Variants in UQCRC2 observed in about 807,000 individuals in gnomAD.
UQCRC2 encodes cytochrome b-c1 complex subunit 2, mitochondrial.
Under a neutral mutation model 55.6 loss-of-function variants are expected in UQCRC2, and 49 were observed. The observed-to-expected ratio is 0.88, with a 90% confidence interval of 0.70 to 1.12. The LOEUF (loss-of-function observed/expected upper bound fraction) is 1.12. UQCRC2 is among the 50% of genes most tolerant of loss of function. The pLI, the probability that UQCRC2 is intolerant of heterozygous loss-of-function variation, is 0.00. For missense variants in UQCRC2, 506 were observed against 547.8 expected (o/e 0.92, Z 0.76); for synonymous variants, 193 against 192.0 (o/e 1.01, Z -0.04).
intron 5 of UQCRC2, 39 bp from the exon 6 acceptor site, chr16:21,962,722 A>G (rs767871946): frequency 3.1e-6 from 5 of 1,612,814 alleles, no homozygotes; most frequent in South Asian, 1.1e-5. Context: ...TTGGCTTTAC[A>G]TTTTTGACTC....
chr16:21,963,963 AATT>A (rs1898264689), intron 6 of UQCRC2, among the ~76,000 whole-genome samples: 1 of 152,110 alleles, frequency 6.6e-6, no homozygotes, highest in Non-Finnish European at 1.5e-5. Context: ...TATAATGTCT[AATT>A]ATATAATCTT....
At chr16:21,976,409 C>T (rs1342874300) in intron 12 of UQCRC2, 166 bp downstream of exon 12, 1 of 604,740 alleles carries the variant, frequency 1.7e-6, no homozygotes, top group Non-Finnish European at 2.7e-6. Context: ...TAATTGTTAA[C>T]ATTTTGGCCA....
chr16:21,971,053 A>T (rs1242412244), intron 8 of UQCRC2, among the ~76,000 whole-genome samples: 2 of 152,004 alleles, frequency 1.3e-5, no homozygotes, highest in African/African-American at 4.8e-5. Flanking sequence ...CTTTCTTGAT[A>T]CAGTGTTCTT....
At chr16:21,976,892 G>A (rs1385793906) in intron 12 of UQCRC2, 4 of 152,024 alleles carry the variant, frequency 2.6e-5, no homozygotes, top group Non-Finnish European at 5.9e-5. Context: ...AATATTCATT[G>A]GTGTGTCAAA....
intron 12 of UQCRC2, 126 bp downstream of exon 12, chr16:21,976,369 AAC>A: frequency 1.3e-6 from 1 of 795,394 alleles, no homozygotes; most frequent in Non-Finnish European, 2.0e-6. Context: ...TAAAAAGGGA[AAC>A]ATACCCATAT....
At chr16:21,979,292 C>T (rs1898658164) in intron 12 of UQCRC2, among the ~76,000 whole-genome samples, 1 of 152,110 alleles carries the variant, frequency 6.6e-6, no homozygotes, top group African/African-American at 2.4e-5. Flanking sequence ...TGCCATGGAT[C>T]AATTATAATT....
At chr16:21,966,413 A>C (rs1366349643) in intron 7 of UQCRC2, among the ~76,000 whole-genome samples, 2 of 152,148 alleles carry the variant, frequency 1.3e-5, no homozygotes, top group African/African-American at 4.8e-5. Flanking sequence ...TAAATCTACA[A>C]GTGTAGATAT....
rs1476287866 is a variant in UQCRC2, at chr16:21,972,004, C to CAAAT, written c.849_852dup (p.Ala285LysfsTer4). On this transcript the variant is annotated frameshift_variant, in exon 10 of 14. Transcript: ENST00000268379. LOFTEE classifies it high-confidence loss of function. ...AGTGCTGTCGCGGGAAGTGCAGAGG[C>CAAAT]AAATGCATTTAGTGTTCTTCAGCAT... 6.2e-7 allele frequency: 1 copy of CAAAT among 1,614,184 alleles called. No individual in the cohort carries two copies. Among genetic ancestry groups the CAAAT allele is most frequent in the Admixed American group, 1.7e-5 (1 of 60,016 alleles).
intron 7 of UQCRC2, chr16:21,968,412 G>C (rs895668107): frequency 1.8e-5 from 7 of 397,454 alleles, no homozygotes; most frequent in Non-Finnish European, 2.7e-5. Flanking sequence ...TCACAGAGTT[G>C]TGCAACCATG....
intron 8 of UQCRC2, among the ~76,000 whole-genome samples, chr16:21,969,749 A>T (rs1023890935): frequency 1.3e-5 from 2 of 152,158 alleles, no homozygotes; most frequent in African/African-American, 2.4e-5. Context: ...AACAGATTCA[A>T]CTATTACCAC....
rs111739516 is a variant in UQCRC2 at position 21,983,103 on chromosome 16, G to C, written c.1294G>C (p.Val432Leu). ...ADIINAAKKF[V>L]SGQKSMAASG... ...TTCTTTAAAGGCGGCAAAGAAGTTT[G>C]TTTCTGGCCAGAAGTCAATGGCAGC... Residue 432 changes from valine to leucine, a missense_variant, in exon 14 of 14, where the codon GTT becomes CTT. Physicochemically the swap from Val to Leu is conservative, Grantham distance 32 (BLOSUM62 1). Transcript: ENST00000268379. 6.2e-7 allele frequency: 1 copy of C among 1,613,634 alleles called. No homozygotes were observed. The highest frequency in any genetic ancestry group is 8.5e-7 in the Non-Finnish European group (1 of 1,179,966).
chr16:21,982,868 G>A (rs1898765910), intron 13 of UQCRC2, among the ~76,000 whole-genome samples: 1 of 151,626 alleles, frequency 6.6e-6, no homozygotes, highest in Non-Finnish European at 1.5e-5. Flanking sequence ...GGGAGGGTGA[G>A]GCAGAGAATT....
Position 21,958,415 on chromosome 16 carries a change from G to T in UQCRC2, c.268-120G>T, listed in dbSNP as rs570152444. ...TTGTTTTATAATTCTTAACTAAAAA[G>T]GATGCAGGAATTTAGTAAAATTCTT... On this transcript the variant is annotated intron_variant, in intron 3 of 13. Transcript: ENST00000268379. 7.3e-4 allele frequency: 617 copies of T among 842,642 alleles called. 2 individuals carry two copies. The highest frequency in any genetic ancestry group is 1.5e-3 in the Admixed American group (56 of 38,196). 52.2% of individuals were successfully genotyped at this position (842,642 alleles called of 1,614,324 possible).
At position 21,983,513 on chromosome 16, in the gene UQCRC2, A is replaced by G. The variant is rs1420543391; in HGVS notation, c.*342A>G. The G allele has an allele frequency of 9.3e-6, 3 of 323,222 alleles. No homozygotes were observed. The highest frequency in any genetic ancestry group is 6.4e-5 in the African/African-American group (3 of 47,196). The allele number at this position is 323,222 out of a possible 1,614,324, so 20.0% of individuals were successfully genotyped here. ...AGTGGCTATCGGGGTAAATAGTGCC[A>G]GATTACTATTGGTGGCGTTTAAGAT... On this transcript the variant is annotated 3_prime_UTR_variant, in exon 14 of 14. Transcript: ENST00000268379.
In UQCRC2 at chr16:21,971,581, G is replaced by T; in HGVS notation, c.727G>T (p.Gly243Trp). ...TGAACAGTTTCTCAACATGAGGGGT[G>T]GGCTTGGTTTATCTGGTGCAAAGGC... is the stretch of plus-strand genomic sequence containing the variant. ...VAEQFLNMRGGLGLSGAKANY... is the reference protein window; with the variant it reads ...VAEQFLNMRGWLGLSGAKANY... Residue 243 changes from glycine to tryptophan, a missense_variant, in exon 9 of 14, where the codon GGG becomes TGG. Gly to Trp is a radical substitution (Grantham distance 184). Transcript: ENST00000268379. 6.2e-7 allele frequency: 1 copy of T among 1,614,110 alleles called. No individual in the cohort carries two copies. The highest frequency in any genetic ancestry group is 8.5e-7 in the Non-Finnish European group (1 of 1,179,988).
At chr16:21,969,543 A>G (rs770086810) in intron 8 of UQCRC2, among the ~76,000 whole-genome samples, 20 of 152,078 alleles carry the variant, frequency 1.3e-4, no homozygotes, top group Non-Finnish European at 2.6e-4. Context: ...AAAAAATACA[A>G]TTCCAAATGT....
chr16:21,977,889 C>T (rs1404752291), intron 12 of UQCRC2, among the ~76,000 whole-genome samples: 1 of 152,156 alleles, frequency 6.6e-6, no homozygotes, highest in African/African-American at 2.4e-5. Flanking sequence ...ATAAGTACAA[C>T]ACAATTTATT....
intron 4 of UQCRC2, among the ~76,000 whole-genome samples, chr16:21,961,669 T>TATATATATATATATATATATATATA (rs1208690779): frequency 1.6e-5 from 2 of 128,960 alleles, no homozygotes; most frequent in Non-Finnish European, 1.7e-5. Flanking sequence ...TATATATATA[T>TATATATATATATATATATATATATA]TTTAGACAGT....
intron 12 of UQCRC2, 101 bp from the exon 13 acceptor site, chr16:21,980,446 C>T: frequency 8.0e-7 from 1 of 1,244,928 alleles, no homozygotes; most frequent in East Asian, 2.3e-5. Flanking sequence ...TTACTCTATC[C>T]ATTAAATAAA....
Sources: gnomAD v4.1 joint callset for allele counts (sites outside exome capture counted in the v4.1 genomes callset) on GRCh38, gnomAD v4.1.1 for gene constraint, MANE v1.5 for transcripts, NCBI Gene and HGNC (gene_info 2026-07-23, HGNC 2026-07-21) for gene names.